SMURF2: variants seen among roughly 807,000 people sequenced by gnomAD.
SMURF2 encodes E3 ubiquitin-protein ligase SMURF2.
A neutral mutation model predicts 109.6 loss-of-function variants in SMURF2; 48 were observed. The observed-to-expected ratio is 0.44, with a 90% CI of 0.35 to 0.56. The LOEUF (loss-of-function observed/expected upper bound fraction) is 0.56. Among genes scored for constraint, SMURF2 ranks in the 20% least tolerant of loss-of-function variants. SMURF2 has a pLI of 0.01. For missense variants in SMURF2, 575 were observed against 909.0 expected, an observed-to-expected ratio of 0.63 and a Z score of 4.72; for synonymous variants, 288 against 317.1, an observed-to-expected ratio of 0.91 and a Z score of 0.97.
chr17:64,607,418 G>C (rs1555689153), intron 1 of SMURF2, among the ~76,000 whole-genome samples: 4 of 151,790 alleles, frequency 2.6e-5, no homozygotes, highest in African/African-American at 7.3e-5. Flanking sequence ...ACAATGTCAG[G>C]AGTTCGAGAC....
At chr17:64,584,255 T>C (rs1322867463) in intron 6 of SMURF2, among the ~76,000 whole-genome samples, 2 of 143,714 alleles carry the variant, frequency 1.4e-5, no homozygotes, top group Non-Finnish European at 3.0e-5. Flanking sequence ...GAGGCGGAGG[T>C]TGCAGTGAAC....
intron 1 of SMURF2, among the ~76,000 whole-genome samples, chr17:64,623,752 C>A (rs1487554389): frequency 5.9e-5 from 9 of 152,180 alleles, no homozygotes; most frequent in Non-Finnish European, 1.3e-4. Context: ...AAATCCTTAT[C>A]AACATTAGCA....
At chr17:64,639,220 T>A (rs1464647126) in intron 1 of SMURF2, among the ~76,000 whole-genome samples, 1 of 152,178 alleles carries the variant, frequency 6.6e-6, no homozygotes, top group Non-Finnish European at 1.5e-5. Flanking sequence ...TAAAACTTTT[T>A]AAAAATTAAC....
At chr17:64,617,597 C>G (rs1430028792) in intron 1 of SMURF2, among the ~76,000 whole-genome samples, 5 of 152,058 alleles carry the variant, frequency 3.3e-5, no homozygotes, top group Non-Finnish European at 5.9e-5. Flanking sequence ...AGAGATCCTC[C>G]CATCTCAACC....
intron 1 of SMURF2, among the ~76,000 whole-genome samples, chr17:64,627,070 C>T (rs1555691225): frequency 1.3e-5 from 2 of 149,716 alleles, no homozygotes; most frequent in African/African-American, 4.9e-5. Context: ...TACAGATTCA[C>T]AAACAAAATA....
At chr17:64,561,453 G>T (rs369487311) in intron 12 of SMURF2, 47 bp downstream of exon 12, 136 of 1,281,454 alleles carry the variant, frequency 1.1e-4, no homozygotes, top group Non-Finnish European at 1.4e-4. Context: ...GCTTAAATTT[G>T]TAAGTACAAA....
At chr17:64,601,822 G>A (rs1460217965) in intron 2 of SMURF2, among the ~76,000 whole-genome samples, 3 of 150,790 alleles carry the variant, frequency 2.0e-5, no homozygotes, top group Non-Finnish European at 4.4e-5. Flanking sequence ...TCAACGAGTG[G>A]GTAAAGAAAT....
intron 3 of SMURF2, among the ~76,000 whole-genome samples, chr17:64,597,819 TATAAA>T (rs1969840138): frequency 6.6e-6 from 1 of 151,060 alleles, no homozygotes; most frequent in Non-Finnish European, 1.5e-5. Flanking sequence ...ACTGTGATGC[TATAAA>T]ATAAAATACA....
chr17:64,554,441 A>G (rs1598268671), intron 15 of SMURF2, among the ~76,000 whole-genome samples: 1 of 152,046 alleles, frequency 6.6e-6, no homozygotes, highest in South Asian at 2.1e-4. Flanking sequence ...GGCTATGGGG[A>G]GAGGGAGTGG....
At chr17:64,623,727 G>C (rs986805287) in intron 1 of SMURF2, among the ~76,000 whole-genome samples, 2 of 152,192 alleles carry the variant, frequency 1.3e-5, no homozygotes, top group African/African-American at 4.8e-5. Context: ...GAGTTTAAAT[G>C]AAAGGCATAA....
At chr17:64,598,522 T>A in intron 2 of SMURF2, 32 bp from the exon 3 acceptor site, 3 of 1,539,160 alleles carry the variant, frequency 1.9e-6, no homozygotes, top group Non-Finnish European at 2.7e-6. Flanking sequence ...AATTAATAAT[T>A]TGACATTTAA....
chr17:64,559,834 G>A (rs1318376855), intron 12 of SMURF2, among the ~76,000 whole-genome samples: 1 of 150,156 alleles, frequency 6.7e-6, no homozygotes, highest in Non-Finnish European at 1.5e-5. Context: ...TGCAACCTTT[G>A]CCTCCTGGGT....
intron 1 of SMURF2, among the ~76,000 whole-genome samples, chr17:64,624,282 A>G (rs1555690960): frequency 6.6e-6 from 1 of 152,080 alleles, no homozygotes; most frequent in Non-Finnish European, 1.5e-5. Flanking sequence ...GGACTGCTTG[A>G]GCCCAGGAGT....
chr17:64,597,144 G>A (rs1373726538), intron 3 of SMURF2, among the ~76,000 whole-genome samples: 30 of 152,232 alleles, frequency 2.0e-4, no homozygotes, highest in Admixed American at 1.1e-3. Flanking sequence ...CACAGCCCAC[G>A]CTTGTAATCC....
intron 5 of SMURF2, among the ~76,000 whole-genome samples, chr17:64,586,649 G>GTGCC (rs1555687115): frequency 5.9e-5 from 9 of 151,314 alleles, no homozygotes; most frequent in African/African-American, 2.2e-4. Flanking sequence ...TTCTCGGGAG[G>GTGCC]CTGAGGCAGG....
intron 3 of SMURF2, among the ~76,000 whole-genome samples, chr17:64,597,218 ATATAGCAAGACCCCATCT>A (rs1350265358): frequency 1.3e-5 from 2 of 152,040 alleles, no homozygotes; most frequent in African/African-American, 4.8e-5. Context: ...AGACTGGGCA[ATATAGCAAGACCCCATCT>A]CTACAAAAAA....
At chr17:64,578,014 A>G (rs782026688) in intron 9 of SMURF2, among the ~76,000 whole-genome samples, 29 of 140,624 alleles carry the variant, frequency 2.1e-4, no homozygotes, top group Non-Finnish European at 3.4e-4. Flanking sequence ...GCGTGATCTC[A>G]GCTCACTGCA....
chr17:64,562,599 G>A (rs926637475), intron 11 of SMURF2, among the ~76,000 whole-genome samples, 172 bp downstream of exon 11: 6 of 151,878 alleles, frequency 4.0e-5, no homozygotes, highest in African/African-American at 1.2e-4. Context: ...GCCTGGCCTC[G>A]AGCTGCGACC....
At position 64,562,803 on chromosome 17, in the gene SMURF2, G is replaced by A. The variant is rs142473670; in HGVS notation, c.1180C>T (p.Arg394Cys). ...SQQQPQAGHC[R>C]IEVSREEIFE... Reference sequence around the variant, plus strand: ...ATCTCTTCCCTGGAAACCTCAATGCGGCAATGACCTGCCTGAGGCTGTTGT... The same window carrying A: ...ATCTCTTCCCTGGAAACCTCAATGCAGCAATGACCTGCCTGAGGCTGTTGT... Residue 394 changes from arginine to cysteine, a missense_variant, in exon 11 of 19, where the codon CGC (arginine) becomes TGC (cysteine). Arg to Cys is a radical substitution (Grantham distance 180). This residue lies in a region of SMURF2 where 361 missense variants were observed against 612.1 expected (regional missense o/e 0.59). Transcript: ENST00000262435. 1.1e-4 allele frequency: 172 copies of A among 1,614,004 alleles called. No homozygotes were observed. Among genetic ancestry groups the A allele is most frequent in the South Asian group, 1.3e-4 (12 of 91,072 alleles).
Sources: allele counts gnomAD v4.1 joint callset (sites outside exome capture counted in the v4.1 genomes callset), GRCh38; gene constraint gnomAD v4.1.1; regional missense constraint gnomAD v4.1.1; transcripts MANE v1.5; gene names NCBI Gene and HGNC (gene_info 2026-07-23, HGNC 2026-07-21).